Variants in DCAF1 observed in about 807,000 individuals in gnomAD.
DCAF1 encodes the protein DDB1- and CUL4-associated factor 1.
Under a neutral mutation model 128.0 loss-of-function variants are expected in DCAF1, and 15 were observed. The ratio of observed to expected loss-of-function variants is 0.12; its 90% CI spans 0.08 to 0.18. The LOEUF is 0.18. Ranked by LOEUF, DCAF1 falls within the 10% of genes least tolerant of loss-of-function variation. The pLI, the probability that DCAF1 is intolerant of heterozygous loss-of-function variation, is 1.00. For synonymous variants in DCAF1, 610 were observed against 603.0 expected (o/e 1.01, Z -0.17); for missense variants, 988 against 1,649.5 (o/e 0.60, Z 6.95).
chr3:51,503,967 A>G (rs1463616827), upstream of DCAF1, among the ~76,000 whole-genome samples: 10 of 152,082 alleles, frequency 6.6e-5, no homozygotes, highest in Admixed American at 6.6e-4. Context: ...TCCAGGAGGA[A>G]GAGTGGAGTC....
chr3:51,449,294 G>A (rs1205816535), intron 6 of DCAF1, among the ~76,000 whole-genome samples: 2 of 152,112 alleles, frequency 1.3e-5, no homozygotes, highest in African/African-American at 4.8e-5. Context: ...TGCCACCTCT[G>A]CCTCCTGAGT....
intron 23 of DCAF1, among the ~76,000 whole-genome samples, chr3:51,410,396 G>C (rs1437557601): frequency 1.3e-5 from 2 of 152,236 alleles, no homozygotes; most frequent in African/African-American, 4.8e-5. Context: ...AGGTGTATCT[G>C]ATCCAGGTAT....
rs552453622 is a variant in DCAF1, at chr3:51,490,350, G to A, written c.-9+6384C>T. Among the ~76,000 whole-genome samples the A allele has an allele frequency of 5.1e-4, 78 of 152,260 alleles. 1 individual carries two copies. Among genetic ancestry groups the A allele is most frequent in the African/African-American group, 1.8e-3 (75 of 41,544 alleles). On this transcript the variant is annotated intron_variant, in intron 2 of 24. Transcript: ENST00000684031. The stretch of plus-strand genomic sequence containing the variant: ...GTAGGCTGAGGTGGGAGAATCACCT[G>A]AGCCCAGTAAGTTGAGGCTGCAGTG...
intron 3 of DCAF1, among the ~76,000 whole-genome samples, chr3:51,477,219 G>C (rs1485771770): frequency 1.3e-5 from 2 of 150,592 alleles, no homozygotes; most frequent in African/African-American, 4.9e-5. Flanking sequence ...ACTGTCAAAA[G>C]ATCATAAAAA....
chr3:51,488,798 G>A (rs1194641567), intron 2 of DCAF1, among the ~76,000 whole-genome samples: 4 of 151,124 alleles, frequency 2.6e-5, no homozygotes, highest in South Asian at 2.1e-4. Flanking sequence ...GCAAAACTCC[G>A]TCTACAAAAA....
At chr3:51,504,763 G>T (rs1708901526), upstream of DCAF1, among the ~76,000 whole-genome samples, 1 of 152,150 alleles carries the variant, frequency 6.6e-6, no homozygotes, top group South Asian at 2.1e-4. Flanking sequence ...TGCTGGGGCA[G>T]ACCCTCATGA....
At chr3:51,430,000 A>G (rs372910759) in intron 11 of DCAF1, 33 bp downstream of exon 11, 164 of 778,728 alleles carry the variant, frequency 2.1e-4, no homozygotes, top group Non-Finnish European at 1.1e-4. Context: ...AGGACCCTCA[A>G]TCCTAGGGAG....
intron 9 of DCAF1, among the ~76,000 whole-genome samples, chr3:51,439,339 G>A (rs1341568110): frequency 6.6e-6 from 1 of 151,420 alleles, no homozygotes; most frequent in Non-Finnish European, 1.5e-5. Context: ...TGTTGACTAA[G>A]CTGGTCTCAA....
At chr3:51,399,481 G>A (rs2089483728) in intron 24 of DCAF1, among the ~76,000 whole-genome samples, 1 of 152,210 alleles carries the variant, frequency 6.6e-6, no homozygotes, top group Admixed American at 6.5e-5. Flanking sequence ...GCCAGCGGGA[G>A]CAGTGTGACG....
At chr3:51,415,076 A>C (rs572414750) in intron 18 of DCAF1, among the ~76,000 whole-genome samples, 1 of 152,188 alleles carries the variant, frequency 6.6e-6, no homozygotes, top group East Asian at 1.9e-4. Context: ...ATTCTGCCTT[A>C]CTGGCCATTA....
intron 4 of DCAF1, among the ~76,000 whole-genome samples, chr3:51,468,850 G>A (rs1364164763): frequency 1.3e-5 from 2 of 152,110 alleles, no homozygotes; most frequent in East Asian, 3.9e-4. Context: ...CTTCTTCCTC[G>A]TTGCCATTTA....
chr3:51,441,265 G>T, intron 8 of DCAF1, 120 bp downstream of exon 8: 1 of 1,343,936 alleles, frequency 7.4e-7, no homozygotes, highest in South Asian at 1.5e-5. Context: ...ACAGTTTCAT[G>T]CAAACCCTTG....
intron 6 of DCAF1, among the ~76,000 whole-genome samples, chr3:51,457,605 T>C (rs1219973491): frequency 2.6e-5 from 4 of 152,014 alleles, no homozygotes; most frequent in Non-Finnish European, 5.9e-5. Context: ...CCAAGACACA[T>C]AATTGTCAGA....
At chr3:51,430,813 A>C (rs1336081222) in intron 10 of DCAF1, among the ~76,000 whole-genome samples, 1 of 152,260 alleles carries the variant, frequency 6.6e-6, no homozygotes, top group Non-Finnish European at 1.5e-5. Flanking sequence ...TGATATTATT[A>C]ATAAGCAAAG....
intron 2 of DCAF1, among the ~76,000 whole-genome samples, chr3:51,495,577 G>A (rs945557727): frequency 2.0e-5 from 3 of 151,632 alleles, no homozygotes; most frequent in African/African-American, 7.3e-5. Flanking sequence ...TAATAGCAAT[G>A]TGAATTAACA....
chr3:51,410,242 ACT>A (rs1440216010), intron 23 of DCAF1, among the ~76,000 whole-genome samples: 1 of 152,132 alleles, frequency 6.6e-6, no homozygotes, highest in African/African-American at 2.4e-5. Context: ...GAGTCTCCTC[ACT>A]CTGCTCAGAA....
intron 2 of DCAF1, among the ~76,000 whole-genome samples, chr3:51,493,335 C>G (rs548989323): frequency 6.6e-6 from 1 of 152,024 alleles, no homozygotes; most frequent in African/African-American, 2.4e-5. Context: ...ATCCTAGCTA[C>G]TGGGGAGGCT....
chr3:51,502,962 G>A (rs1553664639), upstream of DCAF1, among the ~76,000 whole-genome samples: 1 of 152,166 alleles, frequency 6.6e-6, no homozygotes, highest in African/African-American at 2.4e-5. Flanking sequence ...CTGTGCATTA[G>A]GCACCCAGTC....
At chr3:51,437,800 G>GT (rs1553637333) in intron 9 of DCAF1, among the ~76,000 whole-genome samples, 1 of 151,694 alleles carries the variant, frequency 6.6e-6, no homozygotes, top group Non-Finnish European at 1.5e-5. Context: ...GGGTGACAGG[G>GT]TAAGACCTTG....
Sources: allele counts gnomAD v4.1 joint callset (sites outside exome capture counted in the v4.1 genomes callset), GRCh38; gene constraint gnomAD v4.1.1; transcripts MANE v1.5; gene names NCBI Gene and HGNC (gene_info 2026-07-23, HGNC 2026-07-21).